Variants in NAV2 observed in about 807,000 individuals in gnomAD.
NAV2 encodes neuron navigator 2.
NAV2 carries 54 observed loss-of-function variants against 223.2 expected under a neutral mutation model. The observed-to-expected ratio is 0.24, with a 90% CI of 0.19 to 0.30. NAV2 has a LOEUF of 0.30. Ranked by LOEUF, NAV2 falls within the 10% of genes least tolerant of loss-of-function variation. The pLI, the probability that NAV2 is intolerant of heterozygous loss-of-function variation, is 1.00. For missense variants in NAV2, 2,806 were observed against 3,147.5 expected, an observed-to-expected ratio of 0.89 and a Z score of 2.60; for synonymous variants, 1,279 against 1,239.3, an observed-to-expected ratio of 1.03 and a Z score of -0.67.
intron 11 of NAV2, among the ~76,000 whole-genome samples, chr11:19,987,739 G>A (rs919091911): frequency 6.6e-6 from 1 of 152,222 alleles, no homozygotes; most frequent in African/African-American, 2.4e-5. Flanking sequence ...ATAGTAAAGT[G>A]TGCCCTTGAT....
intron 10 of NAV2, among the ~76,000 whole-genome samples, chr11:19,973,894 G>A (rs2049471895): frequency 6.6e-6 from 1 of 152,200 alleles, no homozygotes. Context: ...AGCCATCTGA[G>A]TTTCCAACAG....
intron 36 of NAV2, among the ~76,000 whole-genome samples, chr11:20,110,531 C>T (rs2062536009): frequency 6.6e-6 from 1 of 152,158 alleles, no homozygotes; most frequent in Non-Finnish European, 1.5e-5. Context: ...TTGCCCCGTA[C>T]CATGTCCACT....
At chr11:19,514,867 G>A (rs577566728) in intron 1 of NAV2, among the ~76,000 whole-genome samples, 19 of 152,248 alleles carry the variant, frequency 1.2e-4, no homozygotes, top group African/African-American at 4.6e-4. Context: ...CTGAAGCAGG[G>A]GCATGAGGAG....
chr11:19,459,402 G>A (rs545636526), intron 1 of NAV2, among the ~76,000 whole-genome samples: 44 of 152,292 alleles, frequency 2.9e-4, no homozygotes, highest in African/African-American at 1.0e-3. Context: ...CAGAGTCCTG[G>A]GATTAGCTCT....
At chr11:19,380,793 C>T (rs1467338991) in intron 1 of NAV2, among the ~76,000 whole-genome samples, 1 of 152,202 alleles carries the variant, frequency 6.6e-6, no homozygotes, top group African/African-American at 2.4e-5. Context: ...TTGAGCAGAA[C>T]AAAGAACCAC....
At chr11:20,008,832 A>C (rs1349625030) in intron 11 of NAV2, among the ~76,000 whole-genome samples, 3 of 152,050 alleles carry the variant, frequency 2.0e-5, no homozygotes, top group Non-Finnish European at 4.4e-5. Flanking sequence ...GCATCTGATA[A>C]ATGTTTTGAA....
At position 19,970,557 on chromosome 11, in the gene NAV2, G is replaced by A. The variant is rs557915184; in HGVS notation, c.2646-13568G>A. Reference sequence around the variant, plus strand: ...CTCGAGAGTTGAAGGCACAGTTATAGGGACTGGGGATTTTGAAGCAAAAGT... The same window carrying A: ...CTCGAGAGTTGAAGGCACAGTTATAAGGACTGGGGATTTTGAAGCAAAAGT... On this transcript the variant is annotated intron_variant, in intron 10 of 37. Transcript: ENST00000349880. Among the ~76,000 whole-genome samples, 89 of 152,286 alleles carry A rather than the reference G, an allele frequency of 5.8e-4. No individual in the cohort carries two copies. In the Middle Eastern group the frequency reaches 0.01, roughly 17 times the overall value.
intron 7 of NAV2, among the ~76,000 whole-genome samples, chr11:19,935,178 C>T (rs971814275): frequency 1.3e-5 from 2 of 152,218 alleles, no homozygotes; most frequent in Non-Finnish European, 2.9e-5. Context: ...CTGACAGTGC[C>T]TGATTCGATC....
At chr11:19,647,306 T>C (rs2047844332) in intron 1 of NAV2, among the ~76,000 whole-genome samples, 1 of 152,150 alleles carries the variant, frequency 6.6e-6, no homozygotes, top group Non-Finnish European at 1.5e-5. Flanking sequence ...CATGGAAGAC[T>C]GTGGAGTAGT....
chr11:20,015,823 G>C (rs1460146985), intron 11 of NAV2, among the ~76,000 whole-genome samples: 2 of 152,182 alleles, frequency 1.3e-5, no homozygotes, highest in Admixed American at 1.3e-4. Context: ...AAACCCAAAA[G>C]TATTAGAAGG....
intron 3 of NAV2, among the ~76,000 whole-genome samples, chr11:19,868,070 C>T (rs1203702248): frequency 6.6e-6 from 1 of 152,014 alleles, no homozygotes; most frequent in African/African-American, 2.4e-5. Flanking sequence ...GTTGACGGAA[C>T]CTGGGAAGTA....
intron 1 of NAV2, among the ~76,000 whole-genome samples, chr11:19,814,263 A>G (rs1303674985): frequency 6.6e-6 from 1 of 152,084 alleles, no homozygotes; most frequent in Admixed American, 6.6e-5. Context: ...AAAGAGTTGG[A>G]GGAGATGCCA....
chr11:19,694,351 A>G (rs2049266405), intron 1 of NAV2, among the ~76,000 whole-genome samples: 1 of 152,206 alleles, frequency 6.6e-6, no homozygotes. Flanking sequence ...AGACACAACC[A>G]GCTCTCTGCA....
At chr11:20,106,175 A>ATATATGTG (rs11267537) in intron 35 of NAV2, among the ~76,000 whole-genome samples, 19 of 35,824 alleles carry the variant, frequency 5.3e-4, no homozygotes, top group South Asian at 1.2e-3. Flanking sequence ...ATATATATAT[A>ATATATGTG]TGTGTGTGTA....
intron 1 of NAV2, among the ~76,000 whole-genome samples, chr11:19,689,503 C>T (rs1050143466): frequency 7.2e-5 from 11 of 152,192 alleles, no homozygotes; most frequent in African/African-American, 1.2e-4. Context: ...CAGAGGCGTC[C>T]GCCAGGAGGA....
rs149191161 is a variant in NAV2 at position 19,853,252 on chromosome 11, G to A, written c.438+10329G>A. Among the ~76,000 whole-genome samples, 1,289 of 152,348 alleles carry A rather than the reference G, an allele frequency of 8.5e-3. 14 individuals carry two copies. The highest frequency in any genetic ancestry group is 0.029 in the African/African-American group (1,224 of 41,588). ...CACACTTTGCCAAGCATGACACATT[G>A]TCTCTGAGTTAAGTAACAAAGCCTC... On this transcript the variant is annotated intron_variant, in intron 3 of 37. Coordinates refer to ENST00000349880, the MANE Select transcript of NAV2 (RefSeq NM_145117.5).
intron 11 of NAV2, among the ~76,000 whole-genome samples, chr11:20,030,061 G>A (rs187670725): frequency 1.1e-4 from 16 of 152,340 alleles, no homozygotes; most frequent in Middle Eastern, 3.4e-3. Context: ...AACCAGCCAA[G>A]CTCTGTGTCC....
chr11:19,743,782 G>A (rs754635270), intron 1 of NAV2, among the ~76,000 whole-genome samples: 3 of 152,224 alleles, frequency 2.0e-5, no homozygotes, highest in Non-Finnish European at 2.9e-5. Context: ...CAGTCATCCC[G>A]GCAGCTTCTC....
At chr11:19,642,241 A>G (rs1437242359) in intron 1 of NAV2, among the ~76,000 whole-genome samples, 1 of 152,216 alleles carries the variant, frequency 6.6e-6, no homozygotes, top group Non-Finnish European at 1.5e-5. Context: ...ACCCAGGCAC[A>G]AGCCAGGGAG....
Sources: gnomAD v4.1 joint callset for allele counts (sites outside exome capture counted in the v4.1 genomes callset) on GRCh38, gnomAD v4.1.1 for gene constraint, MANE v1.5 for transcripts, NCBI Gene and HGNC (gene_info 2026-07-23, HGNC 2026-07-21) for gene names.